The following DDX41 variants were observed in gnomAD, a reference collection of about 807,000 sequenced individuals.
DDX41 encodes DEAD-box helicase 41.
DDX41 carries 50 observed loss-of-function variants against 78.8 expected under a neutral mutation model. That is an observed-to-expected ratio of 0.63 (90% CI 0.51 to 0.80). DDX41 has a LOEUF of 0.80. Ranked by LOEUF, DDX41 falls within the 30% of genes least tolerant of loss-of-function variation. The pLI is 0.00. For synonymous variants in DDX41, 381 were observed against 321.5 expected (o/e 1.19, Z -1.98); for missense variants, 633 against 849.2 (o/e 0.75, Z 3.16).
Position 177,513,934 on chromosome 5 carries a change from C to A in DDX41, c.936-87G>T. 7.7e-7 allele frequency: 1 copy of A among 1,305,364 alleles called. No individual in the cohort carries two copies. Among genetic ancestry groups the A allele is most frequent in the Non-Finnish European group, 1.1e-6 (1 of 917,572 alleles). The allele number at this position is 1,305,364 out of a possible 1,614,324, so 80.9% of individuals were successfully genotyped here. Reference sequence around the variant, plus strand: ...GCAGGCACCCTGCATCTGCTCTGCTCTCTGTCCTCCTTCCTATTTCTTTGT... The same window carrying A: ...GCAGGCACCCTGCATCTGCTCTGCTATCTGTCCTCCTTCCTATTTCTTTGT... On this transcript the variant is annotated intron_variant, in intron 9 of 16. Coordinates refer to ENST00000330503, the MANE Select transcript of DDX41 (RefSeq NM_016222.4). The surrounding 1 kb of genome is among the most constrained non-coding windows in gnomAD (Gnocchi z 4.6).
At position 177,513,497 on chromosome 5, in the gene DDX41, G is replaced by A; in HGVS notation, c.1099-13C>T. ...TCTGTCGCTGGCCCTGAGGAAGAGG[G>A]GGGCTGCGACCAAGGGCACACAGGG... On this transcript the variant is annotated splice_polypyrimidine_tract_variant and intron_variant, in intron 10 of 16. Coordinates refer to ENST00000330503, the MANE Select transcript of DDX41 (RefSeq NM_016222.4). This position sits in a 1 kb window ranked among gnomAD's most constrained non-coding sequence, Gnocchi z 4.6. The A allele has an allele frequency of 6.2e-7, 1 of 1,614,076 alleles. No homozygotes were observed. Among genetic ancestry groups the A allele is most frequent in the Non-Finnish European group, 8.5e-7 (1 of 1,180,020 alleles).
Position 177,514,886 on chromosome 5 carries a change from T to A in DDX41, c.798+30A>T, listed in dbSNP as rs1201670204. 1.9e-5 allele frequency: 30 copies of A among 1,603,462 alleles called. No individual in the cohort carries two copies. The highest frequency in any genetic ancestry group is 1.6e-4 in the Middle Eastern group (1 of 6,062). Reference sequence around the variant, plus strand: ...GGCACCAGATGGCAGCCCCAATCTCTGGCCTGCCCTCCAGGCCAGCCTATC... The same window carrying A: ...GGCACCAGATGGCAGCCCCAATCTCAGGCCTGCCCTCCAGGCCAGCCTATC... On this transcript the variant is annotated intron_variant, in intron 8 of 16. Transcript: ENST00000330503. This position sits in a 1 kb window ranked among gnomAD's most constrained non-coding sequence, Gnocchi z 4.2.
At position 177,514,081 on chromosome 5, in the gene DDX41, G is replaced by C; in HGVS notation, c.936-234C>G. 1.5e-6 allele frequency: 1 copy of C among 673,934 alleles called. No individual in the cohort carries two copies. Among genetic ancestry groups the C allele is most frequent in the South Asian group, 1.5e-5 (1 of 66,414 alleles). 41.7% of individuals were successfully genotyped at this position (673,934 alleles called of 1,614,324 possible). A position where few individuals can be genotyped will look rare whatever the true frequency, so the allele number is the denominator to read the frequency against. The stretch of plus-strand genomic sequence containing the variant: ...GCGCCTTCCCCCTTCTCCTGGGTCA[G>C]CCTCTCACCCAGAAGCGCTGTCATC... On this transcript the variant is annotated intron_variant, in intron 9 of 16. Coordinates refer to ENST00000330503, the MANE Select transcript of DDX41 (RefSeq NM_016222.4). The surrounding 1 kb of genome is among the most constrained non-coding windows in gnomAD (Gnocchi z 4.2).
At chr5:177,515,608 G>A in intron 6 of DDX41, 77 bp downstream of exon 6, 1 of 1,560,786 alleles carries the variant, frequency 6.4e-7, no homozygotes, top group Non-Finnish European at 8.7e-7. Flanking sequence ...ATGTGGCTGA[G>A]CTCAGTGGGA....
chr5:177,515,543 C>T (rs1761186111), intron 6 of DDX41, 142 bp downstream of exon 6: 3 of 1,096,572 alleles, frequency 2.7e-6, no homozygotes, highest in African/African-American at 3.1e-5. Context: ...CAACAAGGAA[C>T]CTAAAGAAAC....
At position 177,514,550 on chromosome 5, in the gene DDX41, T is replaced by C. The variant is rs1761132581; in HGVS notation, c.935+151A>G. The stretch of plus-strand genomic sequence containing the variant: ...CCACATCCCTCTGTCCTCCCCCAAC[T>C]AACCTCCCCATTAGACTGGGAGCTC... On this transcript the variant is annotated intron_variant, in intron 9 of 16. Transcript: ENST00000330503. This position sits in a 1 kb window ranked among gnomAD's most constrained non-coding sequence, Gnocchi z 4.2. 1.7e-6 allele frequency: 2 copies of C among 1,147,450 alleles called. No homozygotes were observed. Among genetic ancestry groups the C allele is most frequent in the Admixed American group, 2.3e-5 (1 of 43,560 alleles). 71.1% of individuals were successfully genotyped at this position (1,147,450 alleles called of 1,614,324 possible).
In DDX41 at chr5:177,515,836, C is replaced by G; in HGVS notation, c.435-15G>C. On this transcript the variant is annotated splice_polypyrimidine_tract_variant and intron_variant, in intron 5 of 16. Coordinates refer to ENST00000330503, the MANE Select transcript of DDX41 (RefSeq NM_016222.4). Reference sequence around the variant, plus strand: ...GTGGAGTCCAGCTGTGGATGGGTAACAGGGATCAAGAGAGCCCTGGGAATA... The same window carrying G: ...GTGGAGTCCAGCTGTGGATGGGTAAGAGGGATCAAGAGAGCCCTGGGAATA... 3.7e-6 allele frequency: 6 copies of G among 1,614,170 alleles called. No homozygotes were observed. The highest frequency in any genetic ancestry group is 4.2e-6 in the Non-Finnish European group (5 of 1,180,034).
Position 177,515,650 on chromosome 5 carries a change from T to A in DDX41, c.571+35A>T, listed in dbSNP as rs780079651. On this transcript the variant is annotated intron_variant, in intron 6 of 16. Transcript: ENST00000330503. ...ACATAACCTCACAGGCATTTGATTA[T>A]AAAAGTGTGGTATCTCTCTCCAGCC... is the stretch of plus-strand genomic sequence containing the variant. 3 of 1,610,760 alleles carry A rather than the reference T, an allele frequency of 1.9e-6. No homozygotes were observed. In the African/African-American group the frequency reaches 4.0e-5, roughly 21 times the overall value.
Position 177,513,934 on chromosome 5 carries a change from C to G in DDX41, c.936-87G>C, listed in dbSNP as rs1761102959. The G allele has an allele frequency of 3.8e-6, 5 of 1,305,248 alleles. No homozygotes were observed. The highest frequency in any genetic ancestry group is 1.5e-5 in the African/African-American group (1 of 68,874). 80.9% of individuals were successfully genotyped at this position (1,305,248 alleles called of 1,614,324 possible). The stretch of plus-strand genomic sequence containing the variant: ...GCAGGCACCCTGCATCTGCTCTGCT[C>G]TCTGTCCTCCTTCCTATTTCTTTGT... On this transcript the variant is annotated intron_variant, in intron 9 of 16. Transcript: ENST00000330503. This position sits in a 1 kb window ranked among gnomAD's most constrained non-coding sequence, Gnocchi z 4.6.
At chr5:177,516,870 C>G (rs1436284436) in intron 1 of DDX41, 35 bp from the exon 2 acceptor site, 6 of 1,613,186 alleles carry the variant, frequency 3.7e-6, no homozygotes, top group South Asian at 1.1e-5. Context: ...CGGCCTGCTC[C>G]CCTCTTCACG....
At position 177,511,911 on chromosome 5, in the gene DDX41, G is replaced by A. The variant is rs1459010443; in HGVS notation, c.1749C>T (p.Ala583=). 2 of 1,613,844 alleles carry A rather than the reference G, an allele frequency of 1.2e-6. No homozygotes were observed. Among genetic ancestry groups the A allele is most frequent in the African/African-American group, 1.3e-5 (1 of 74,922 alleles). ...MLDIGGERGC[A]FCGGLGHRIT... ...TCCGATGACCCAGGCCCCCGCAGAA[G>A]GCACAGCCGCGCTCTCCTGGGGGAA... Residue 583 remains alanine (A), a synonymous_variant, in exon 17 of 17, where the codon GCC becomes GCT. Transcript: ENST00000330503.
chr5:177,515,617 G>C (rs2127437451), intron 6 of DDX41, 68 bp downstream of exon 6: 1 of 1,579,608 alleles, frequency 6.3e-7, no homozygotes. Context: ...AGCTCAGTGG[G>C]AGCCAGGACA....
rs1207848226 is a variant in DDX41, at chr5:177,513,367, G to C, written c.1216C>G (p.Leu406Val). The change falls in exon 11 of 17, where the codon CTG becomes GTG. Residue 406 changes from leucine to valine, a missense_variant. Leu to Val is a conservative substitution (Grantham distance 32, BLOSUM62 1). Transcript: ENST00000330503. This position sits in a 1 kb window ranked among gnomAD's most constrained non-coding sequence, Gnocchi z 4.6. ...CACCTGCCCACCTGGATGACATCCA[G>C]GCTGGCAGCCCCAGCGCGCCCCACA... ...INVGRAGAAS[L>V]DVIQEVEYVK... is the part of the protein sequence containing the mutation. The C allele has an allele frequency of 6.2e-7, 1 of 1,614,100 alleles. No individual in the cohort carries two copies. The highest frequency in any genetic ancestry group is 8.5e-7 in the Non-Finnish European group (1 of 1,180,026).
At position 177,516,941 on chromosome 5, in the gene DDX41, T is replaced by C. The variant is rs1399847240; in HGVS notation, c.5A>G (p.Glu2Gly). 1 of 1,612,788 alleles carries C rather than the reference T, an allele frequency of 6.2e-7. No individual in the cohort carries two copies. The highest frequency in any genetic ancestry group is 1.7e-5 in the Admixed American group (1 of 60,014). Residue 2 changes from glutamate to glycine, a missense_variant, in exon 1 of 17, where the codon GAG (glutamate) becomes GGG (glycine). By Grantham distance (98) the Glu-to-Gly change is moderately conservative. This residue lies in a region of DDX41 where 140 missense variants were observed against 115.2 expected (regional missense o/e 1.22). Transcript: ENST00000330503. M[E>G]ESEPERKRAR... is the part of the protein sequence containing the mutation. ...TACCTTCCGTTCGGGTTCCGACTCC[T>C]CCATTCTTTGCTGCACGCATGCGCG...
chr5:177,516,840 A>G lies in DDX41; in HGVS notation c.28-5T>C. The stretch of plus-strand genomic sequence containing the variant: ...CACCTCGTCGGTGCGAGCCCGCTGC[A>G]AGCACACGCCAGTCAGGCACGGCCT... On this transcript the variant is annotated splice_polypyrimidine_tract_variant and splice_region_variant and intron_variant, in intron 1 of 16. Coordinates refer to ENST00000330503, the MANE Select transcript of DDX41 (RefSeq NM_016222.4). The G allele has an allele frequency of 5.6e-6, 9 of 1,612,962 alleles. No individual in the cohort carries two copies. Among genetic ancestry groups the G allele is most frequent in the African/African-American group, 1.3e-5 (1 of 75,062 alleles).
In DDX41 at chr5:177,516,776, G is replaced by A. The variant is rs138939116; in HGVS notation, c.87C>T (p.Asp29=). ...GGSRSEAEDE[D]DEDYVPYVPL... Reference sequence around the variant, plus strand: ...GCACATAGGGCACGTAGTCCTCGTCGTCCTCATCTTCCGCCTCGGAGCGGC... The same window carrying A: ...GCACATAGGGCACGTAGTCCTCGTCATCCTCATCTTCCGCCTCGGAGCGGC... The change falls in exon 2 of 17, where the codon GAC becomes GAT. Residue 29 remains aspartate (D), a synonymous_variant. Transcript: ENST00000330503. The A allele has an allele frequency of 1.9e-5, 30 of 1,612,252 alleles. No individual in the cohort carries two copies. The highest frequency in any genetic ancestry group is 1.2e-4 in the African/African-American group (9 of 74,906).
chr5:177,513,569 CAGCCCACAAAGTATG>C lies in DDX41; in HGVS notation c.1099-100_1099-86del. 6.2e-7 allele frequency: 1 copy of C among 1,608,572 alleles called. No homozygotes were observed. The highest frequency in any genetic ancestry group is 8.5e-7 in the Non-Finnish European group (1 of 1,176,400). ...CTGGGGAAGCTGAGCAACTGAGACA[CAGCCCACAAAGTATG>C]AGCAGTGGGTTGGGGTGGCCAGGGG... is the stretch of plus-strand genomic sequence containing the variant. On this transcript the variant is annotated intron_variant, in intron 10 of 16. Coordinates refer to ENST00000330503, the MANE Select transcript of DDX41 (RefSeq NM_016222.4). This position sits in a 1 kb window ranked among gnomAD's most constrained non-coding sequence, Gnocchi z 4.6.
rs748197124 is a variant in DDX41, at chr5:177,512,344, A to C, written c.1599T>G (p.Thr533=). The change falls in exon 15 of 17, where the codon ACT becomes ACG. Residue 533 remains threonine, a synonymous_variant. Transcript: ENST00000330503. ...TGRSGNTGIA[T]TFINKACDES... is the part of the protein sequence containing the mutation. ...CACCACACGCTTTGTTGATGAAGGT[A>C]GTGGCGATGCCTGTGTTTCCCGAGC... 3.1e-6 allele frequency: 5 copies of C among 1,613,894 alleles called. No individual in the cohort carries two copies. Among genetic ancestry groups the C allele is most frequent in the Non-Finnish European group, 4.2e-6 (5 of 1,179,984 alleles).
chr5:177,514,249 G>T lies in DDX41; in HGVS notation c.936-402C>A, dbSNP rs1297541997. ...TGGCCCATCTGTGAACAGAGGGCCT[G>T]GTCCAGGGCCTCTGGTGGTCTGCAG... On this transcript the variant is annotated intron_variant, in intron 9 of 16. Coordinates refer to ENST00000330503, the MANE Select transcript of DDX41 (RefSeq NM_016222.4). The surrounding 1 kb of genome is among the most constrained non-coding windows in gnomAD (Gnocchi z 4.2). The T allele has an allele frequency of 1.0e-5, 5 of 489,432 alleles. No homozygotes were observed. The highest frequency in any genetic ancestry group is 6.0e-5 in the East Asian group (1 of 16,774). The allele number at this position is 489,432 out of a possible 1,614,324, so 30.3% of individuals were successfully genotyped here. A position where few individuals can be genotyped will look rare whatever the true frequency, so the allele number is the denominator to read the frequency against.
Sources: allele counts gnomAD v4.1 joint callset, GRCh38; gene constraint gnomAD v4.1.1; regional missense constraint gnomAD v4.1.1; non-coding constraint Gnocchi (gnomAD v3.1); transcripts MANE v1.5; gene names NCBI Gene and HGNC (gene_info 2026-07-23, HGNC 2026-07-21).